The following SUN3 variants were observed in gnomAD, a reference collection of about 807,000 sequenced individuals.
SUN3 encodes the protein SUN domain-containing protein 3.
A neutral mutation model predicts 48.2 loss-of-function variants in SUN3; 36 were observed. The observed-to-expected ratio is 0.75, with a 90% CI of 0.57 to 0.99. The LOEUF (loss-of-function observed/expected upper bound fraction) is 0.99, where lower values mean the gene tolerates loss of function less well. Among genes scored for constraint, SUN3 ranks in the 50% least tolerant of loss-of-function variants. SUN3 has a pLI of 0.00. For missense variants in SUN3, 419 were observed against 433.1 expected, an observed-to-expected ratio of 0.97 and a Z score of 0.29; for synonymous variants, 148 against 147.9, an observed-to-expected ratio of 1.00 and a Z score of 0.00.
chr7:48,011,318 T>C (rs1789677085), intron 3 of SUN3, among the ~76,000 whole-genome samples: 1 of 152,228 alleles, frequency 6.6e-6, no homozygotes, highest in South Asian at 2.1e-4. Flanking sequence ...CTGCCCAAAA[T>C]AGTGCTATAC....
intron 7 of SUN3, among the ~76,000 whole-genome samples, chr7:47,995,149 A>T (rs116382382): frequency 0.011 from 1,657 of 150,216 alleles, 21 homozygotes; most frequent in African/African-American, 0.038. Context: ...TGGTGGTGGC[A>T]GTGATGGTGG....
At chr7:48,002,037 A>G (rs1789392271) in intron 6 of SUN3, among the ~76,000 whole-genome samples, 1 of 151,946 alleles carries the variant, frequency 6.6e-6, no homozygotes, top group South Asian at 2.1e-4. Context: ...ACAGTGTATA[A>G]CCATTCCTTT....
Position 48,017,314 on chromosome 7 carries a change from C to G in SUN3, c.236G>C (p.Arg79Thr). The G allele has an allele frequency of 6.2e-7, 1 of 1,610,162 alleles. No individual in the cohort carries two copies. Among genetic ancestry groups the G allele is most frequent in the Non-Finnish European group, 8.5e-7 (1 of 1,177,740 alleles). The change falls in exon 3 of 10, where the codon AGA becomes ACA. Residue 79 changes from arginine (R) to threonine (T), a missense_variant. Coordinates refer to ENST00000297325, the MANE Select transcript of SUN3 (RefSeq NM_001030019.2). ...TTCTGCAATTATGGCATATAATTGT[C>G]TGGATTTCTGAGGAACATCTGTTTC... Reference protein sequence around the residue: ...LKETDVPQKSRQLYAIIAEYG... With the variant: ...LKETDVPQKSTQLYAIIAEYG...
chr7:48,005,657 T>C lies in SUN3; in HGVS notation c.577+312A>G, dbSNP rs139837666. Among the ~76,000 whole-genome samples the C allele has an allele frequency of 4.6e-5, 7 of 152,214 alleles. No homozygotes were observed. In the East Asian group the frequency reaches 1.2e-3, roughly 25 times the overall value. ...GATTGGTGATCATAAGTAATTTTAG[T>C]ATATAATAATACAAAATGTCCTAAT... On this transcript the variant is annotated intron_variant, in intron 6 of 9. Transcript: ENST00000297325.
At chr7:48,035,328 C>G in the SUN3 span, among the ~76,000 whole-genome samples, 2 of 152,302 alleles carry the variant, frequency 1.3e-5, no homozygotes, top group South Asian at 2.1e-4. The surrounding 1 kb of genome is among the most constrained non-coding windows in gnomAD (Gnocchi z 4.0). Flanking sequence ...CCCGGTTCCC[C>G]GTGGCATCGC....
chr7:48,002,040 A>G (rs1789392340), intron 6 of SUN3, among the ~76,000 whole-genome samples: 1 of 151,060 alleles, frequency 6.6e-6, no homozygotes, highest in African/African-American at 2.4e-5. Flanking sequence ...GTGTATAACC[A>G]TTCCTTTTTC....
At chr7:47,998,241 C>T (rs772667912) in intron 6 of SUN3, among the ~76,000 whole-genome samples, 3 of 152,034 alleles carry the variant, frequency 2.0e-5, no homozygotes, top group Non-Finnish European at 4.4e-5. Flanking sequence ...TTAGTATGGT[C>T]GGTTTTGTTT....
intron 1 of SUN3, among the ~76,000 whole-genome samples, chr7:48,027,529 C>A (rs556809192): frequency 1.3e-5 from 2 of 152,176 alleles, no homozygotes; most frequent in Admixed American, 6.5e-5. Context: ...TCACATTAAT[C>A]TAACGTGAAG....
chr7:47,989,005 G>A (rs538621939), intron 8 of SUN3, 125 bp from the exon 9 acceptor site: 3 of 570,190 alleles, frequency 5.3e-6, no homozygotes, highest in Non-Finnish European at 9.4e-6. Flanking sequence ...GATCATGCCA[G>A]TACTAACCTA....
intron 2 of SUN3, among the ~76,000 whole-genome samples, chr7:48,023,760 G>C (rs1197960404): frequency 6.6e-6 from 1 of 152,154 alleles, no homozygotes; most frequent in Non-Finnish European, 1.5e-5. Flanking sequence ...TAAATAAATG[G>C]AAGGACAACT....
chr7:48,033,987 G>T (rs1242975454), upstream of SUN3, among the ~76,000 whole-genome samples: 1 of 152,202 alleles, frequency 6.6e-6, no homozygotes, highest in Non-Finnish European at 1.5e-5. Flanking sequence ...CCAGGAGGTG[G>T]AGGTGGCAGT....
At chr7:48,018,712 G>A (rs1420720166) in intron 2 of SUN3, 2 of 152,654 alleles carry the variant, frequency 1.3e-5, no homozygotes, top group Non-Finnish European at 2.9e-5. Context: ...TGGGGAAGAG[G>A]GAAATCTGAA....
intron 2 of SUN3, among the ~76,000 whole-genome samples, chr7:48,019,050 A>G (rs1027915699): frequency 1.3e-5 from 2 of 152,220 alleles, no homozygotes; most frequent in South Asian, 2.1e-4. Flanking sequence ...AGAACTTACT[A>G]GAAGGGCTCA....
At chr7:48,017,417 A>C in intron 2 of SUN3, 52 bp from the exon 3 acceptor site, 1 of 971,530 alleles carries the variant, frequency 1.0e-6, no homozygotes, top group Non-Finnish European at 1.6e-6. Context: ...GAAACATAAA[A>C]TATTTTACAT....
At chr7:48,021,569 A>C (rs556556777) in intron 2 of SUN3, among the ~76,000 whole-genome samples, 1 of 151,990 alleles carries the variant, frequency 6.6e-6, no homozygotes, top group South Asian at 2.1e-4. Flanking sequence ...GAGAAAAAAA[A>C]AAAAAACAAA....
Position 48,009,095 on chromosome 7 carries a change from A to T in SUN3, c.289-20T>A. 1 of 1,606,036 alleles carries T rather than the reference A, an allele frequency of 6.2e-7. No individual in the cohort carries two copies. The highest frequency in any genetic ancestry group is 8.5e-7 in the Non-Finnish European group (1 of 1,177,542). ...TCTGGCCTGAAAACAACAGAAAAAGATAAATCATTCTGAATTCTGCTTATT... is the reference window on the plus strand; with the variant it reads ...TCTGGCCTGAAAACAACAGAAAAAGTTAAATCATTCTGAATTCTGCTTATT... On this transcript the variant is annotated intron_variant, in intron 3 of 9. Transcript: ENST00000297325.
chr7:48,023,452 A>G lies in SUN3; in HGVS notation c.184+2425T>C, dbSNP rs142629743. Among the ~76,000 whole-genome samples, 1,035 of 152,278 alleles carry G rather than the reference A, an allele frequency of 6.8e-3. 5 individuals carry two copies. Among genetic ancestry groups the G allele is most frequent in the Middle Eastern group, 0.014 (4 of 294 alleles). On this transcript the variant is annotated intron_variant, in intron 2 of 9. Coordinates refer to ENST00000297325, the MANE Select transcript of SUN3 (RefSeq NM_001030019.2). ...CGTATACAAAATGAAACAGATCAGA[A>G]TCAAAAGAGTGCACTACAACAAAGC...
Position 47,988,805 on chromosome 7 carries a change from G to T in SUN3, c.937C>A (p.Gln313Lys). The change falls in exon 9 of 10, where the codon CAA (glutamine) becomes AAA (lysine). Residue 313 changes from glutamine to lysine, a missense_variant. Gln to Lys is a moderately conservative substitution (Grantham distance 53). Transcript: ENST00000297325. ...TACATTACCTGGAGTTCAAATGTTT[G>T]AACGGTGGTTCCTGTTTTGTTATAT... Reference protein sequence around the residue: ...FIYNKTGTTVQTFELQHAVSE... With the variant: ...FIYNKTGTTVKTFELQHAVSE... The T allele has an allele frequency of 6.2e-7, 1 of 1,604,902 alleles. No homozygotes were observed. Among genetic ancestry groups the T allele is most frequent in the South Asian group, 1.1e-5 (1 of 89,954 alleles).
intron 8 of SUN3, among the ~76,000 whole-genome samples, chr7:47,989,130 C>CTAGATAGATAGATCCA (rs1477781283): frequency 6.6e-6 from 1 of 151,914 alleles, no homozygotes; most frequent in East Asian, 1.9e-4. Flanking sequence ...AGATAGAGAG[C>CTAGATAGATAGATCCA]TAGATAGATA....
Sources: allele counts gnomAD v4.1 joint callset (sites outside exome capture counted in the v4.1 genomes callset), GRCh38; gene constraint gnomAD v4.1.1; non-coding constraint Gnocchi (gnomAD v3.1); transcripts MANE v1.5; gene names NCBI Gene and HGNC (gene_info 2026-07-23, HGNC 2026-07-21).